Variants in SNX29 observed in about 807,000 individuals in gnomAD.
SNX29 encodes sorting nexin 29, also known as sorting nexin-29.
SNX29 carries 78 observed loss-of-function variants against 102.1 expected under a neutral mutation model. The ratio of observed to expected loss-of-function variants is 0.76; its 90% CI spans 0.64 to 0.92. The LOEUF is 0.92. Among genes scored for constraint, SNX29 ranks in the 40% least tolerant of loss-of-function variants. SNX29 has a pLI of 0.00. For synonymous variants in SNX29, 580 were observed against 414.5 expected, an observed-to-expected ratio of 1.40 and a Z score of -4.85; for missense variants, 1,280 against 1,061.7, an observed-to-expected ratio of 1.21 and a Z score of -2.86.
At chr16:12,559,378 T>TC (rs1307743677) in intron 20 of SNX29, among the ~76,000 whole-genome samples, 11 of 151,198 alleles carry the variant, frequency 7.3e-5, no homozygotes, top group Non-Finnish European at 1.6e-4. Context: ...TGATGATCTC[T>TC]CACCCTCTCC....
At chr16:12,533,417 A>G (rs1452218134) in intron 20 of SNX29, among the ~76,000 whole-genome samples, 1 of 151,926 alleles carries the variant, frequency 6.6e-6, no homozygotes, top group African/African-American at 2.4e-5. Context: ...GTTGATGCAT[A>G]TTTCCACCCC....
chr16:12,467,577 C>T (rs1221265593), intron 18 of SNX29, among the ~76,000 whole-genome samples: 1 of 152,192 alleles, frequency 6.6e-6, no homozygotes, highest in Admixed American at 6.5e-5. Context: ...TGCCTGCATC[C>T]ACTCTGACCT....
chr16:12,344,712 A>G (rs902651043), intron 15 of SNX29, among the ~76,000 whole-genome samples: 2 of 152,220 alleles, frequency 1.3e-5, no homozygotes, highest in African/African-American at 2.4e-5. Flanking sequence ...GCCTCACTGT[A>G]TCCTCCTCTT....
chr16:12,183,917 G>A (rs1158215220), intron 13 of SNX29, among the ~76,000 whole-genome samples: 1 of 152,188 alleles, frequency 6.6e-6, no homozygotes, highest in African/African-American at 2.4e-5. Context: ...CAAATGCCAT[G>A]GCAACATCAA....
intron 3 of SNX29, 99 bp downstream of exon 3, chr16:12,003,142 GGCAGA>G: frequency 6.9e-7 from 1 of 1,447,170 alleles, no homozygotes; most frequent in East Asian, 2.3e-5. Context: ...TTGGAAAGGC[GGCAGA>G]AGGCGGCTGG....
rs955482032 is a variant in SNX29 at position 12,547,987 on chromosome 16, G to A, written c.2319-20519G>A. Among the ~76,000 whole-genome samples, 9 of 152,120 alleles carry A rather than the reference G, an allele frequency of 5.9e-5. No individual in the cohort carries two copies. The East Asian group carries it at 1.5e-3, about 26-fold the overall frequency. On this transcript the variant is annotated intron_variant, in intron 20 of 20. Coordinates refer to ENST00000566228, the MANE Select transcript of SNX29 (RefSeq NM_032167.5). Reference sequence around the variant, plus strand: ...TTTTGGGAGACAGCATGGCACAGGGGTCTCGAGTGAACGTGGCATCCTGGA... The same window carrying A: ...TTTTGGGAGACAGCATGGCACAGGGATCTCGAGTGAACGTGGCATCCTGGA...
chr16:12,072,161 C>T (rs1290328703), intron 10 of SNX29, among the ~76,000 whole-genome samples: 1 of 152,116 alleles, frequency 6.6e-6, no homozygotes, highest in Non-Finnish European at 1.5e-5. Flanking sequence ...CCCTTTATTT[C>T]CTTCTCCTGC....
chr16:12,077,994 T>C (rs1358657989), intron 10 of SNX29, among the ~76,000 whole-genome samples: 3 of 152,168 alleles, frequency 2.0e-5, no homozygotes, highest in Non-Finnish European at 4.4e-5. Flanking sequence ...AGACACCTTG[T>C]TTAATGTATG....
intron 20 of SNX29, among the ~76,000 whole-genome samples, chr16:12,531,114 C>G (rs75373591): frequency 6.6e-6 from 1 of 152,204 alleles, no homozygotes; most frequent in African/African-American, 2.4e-5. Context: ...TCACTAAAGC[C>G]CACCCTCTCA....
At chr16:12,559,262 C>T (rs567970129) in intron 20 of SNX29, among the ~76,000 whole-genome samples, 1 of 152,078 alleles carries the variant, frequency 6.6e-6, no homozygotes, top group African/African-American at 2.4e-5. Flanking sequence ...TGAGCTCTGC[C>T]TGTCAGATCA....
At chr16:12,403,368 CTCCTT>C in intron 17 of SNX29, 75 bp from the exon 18 acceptor site, 4 of 1,403,570 alleles carry the variant, frequency 2.8e-6, no homozygotes, top group South Asian at 2.5e-5. Flanking sequence ...AGAAAATTGT[CTCCTT>C]TCCTCTTTTT....
intron 14 of SNX29, among the ~76,000 whole-genome samples, chr16:12,202,213 A>T (rs1157710710): frequency 6.6e-6 from 1 of 152,156 alleles, no homozygotes; most frequent in Non-Finnish European, 1.5e-5. Flanking sequence ...GGCAACCTTT[A>T]ATTTTACAGG....
At chr16:12,277,570 C>G (rs1207308324) in intron 14 of SNX29, among the ~76,000 whole-genome samples, 1 of 152,124 alleles carries the variant, frequency 6.6e-6, no homozygotes, top group African/African-American at 2.4e-5. Context: ...AAAAATACAG[C>G]TTATCGCTTT....
intron 20 of SNX29, among the ~76,000 whole-genome samples, chr16:12,556,047 C>G (rs1324501755): frequency 6.6e-6 from 1 of 152,004 alleles, no homozygotes; most frequent in Non-Finnish European, 1.5e-5. Flanking sequence ...CTGAGTGACG[C>G]TTAAAGGGTG....
intron 16 of SNX29, among the ~76,000 whole-genome samples, chr16:12,363,116 A>C (rs960779709): frequency 6.6e-6 from 1 of 152,208 alleles, no homozygotes; most frequent in African/African-American, 2.4e-5. Flanking sequence ...GGGAGGAGCA[A>C]GTAAAACGGT....
chr16:12,326,817 G>A lies in SNX29; in HGVS notation c.1783-29346G>A, dbSNP rs532793025. The stretch of plus-strand genomic sequence containing the variant: ...ACTGAGGCTGGGGCAGTGTGGTAGG[G>A]CATGGGCCACTGGGCCTTGCGGGAG... On this transcript the variant is annotated intron_variant, in intron 15 of 20. Coordinates refer to ENST00000566228, the MANE Select transcript of SNX29 (RefSeq NM_032167.5). Among the ~76,000 whole-genome samples, 13 of 152,324 alleles carry A rather than the reference G, an allele frequency of 8.5e-5. No homozygotes were observed. In the South Asian group the frequency reaches 1.0e-3, roughly 12 times the overall value.
intron 3 of SNX29, among the ~76,000 whole-genome samples, chr16:12,004,688 C>T (rs2056398144): frequency 6.6e-6 from 1 of 152,158 alleles, no homozygotes; most frequent in African/African-American, 2.4e-5. Flanking sequence ...CTGTCCTTTC[C>T]TACCCTTGTT....
chr16:12,561,820 A>G (rs1262940231), intron 20 of SNX29, among the ~76,000 whole-genome samples: 1 of 152,080 alleles, frequency 6.6e-6, no homozygotes, highest in East Asian at 1.9e-4. Context: ...ACCGCAGCTT[A>G]CATCCTTCTC....
intron 18 of SNX29, among the ~76,000 whole-genome samples, chr16:12,430,978 G>A (rs1314097670): frequency 6.6e-6 from 1 of 151,604 alleles, no homozygotes; most frequent in Non-Finnish European, 1.5e-5. Flanking sequence ...TCAGCCTCCC[G>A]AGTAGCAGGG....
Sources: allele counts gnomAD v4.1 joint callset (sites outside exome capture counted in the v4.1 genomes callset), GRCh38; gene constraint gnomAD v4.1.1; transcripts MANE v1.5; gene names NCBI Gene and HGNC (gene_info 2026-07-23, HGNC 2026-07-21).